CCL28: variants seen among roughly 807,000 people sequenced by gnomAD.
CCL28 encodes the protein C-C motif chemokine ligand 28.
Under a neutral mutation model 7.1 loss-of-function variants are expected in CCL28, and 4 were observed. The observed-to-expected ratio is 0.56, with a 90% CI of 0.28 to 1.29. The LOEUF is 1.29. Among genes scored for constraint, CCL28 ranks in the 50% most tolerant of loss-of-function variants. CCL28 has a pLI of 0.11. For missense variants in CCL28, 151 were observed against 163.4 expected, an observed-to-expected ratio of 0.92 and a Z score of 0.41; for synonymous variants, 55 against 57.8, an observed-to-expected ratio of 0.95 and a Z score of 0.22.
At chr5:43,399,740 G>T (rs1210596424) in intron 1 of CCL28, among the ~76,000 whole-genome samples, 2 of 152,120 alleles carry the variant, frequency 1.3e-5, no homozygotes, top group Non-Finnish European at 2.9e-5. Flanking sequence ...GTAATAAGGG[G>T]TCAGTCAATA....
chr5:43,394,293 G>T (rs1740709350), intron 1 of CCL28, among the ~76,000 whole-genome samples: 1 of 152,104 alleles, frequency 6.6e-6, no homozygotes, highest in Non-Finnish European at 1.5e-5. Flanking sequence ...CTTCAAAATT[G>T]TCTTGGCTGT....
chr5:43,385,118 C>T lies in CCL28; in HGVS notation c.192-3066G>A, dbSNP rs527559892. Among the ~76,000 whole-genome samples the T allele has an allele frequency of 7.2e-5, 11 of 152,256 alleles. No individual in the cohort carries two copies. The South Asian group carries it at 2.1e-3, about 29-fold the overall frequency. ...TTCACCGTGTTAGCCAGGATGGTCT[C>T]GATCTTCTGACCTCGTGATCCGCCT... On this transcript the variant is annotated intron_variant, in intron 2 of 2. Transcript: ENST00000361115.
chr5:43,357,844 A>T, the CCL28 span, among the ~76,000 whole-genome samples: 1 of 152,176 alleles, frequency 6.6e-6, no homozygotes, highest in East Asian at 1.9e-4. Flanking sequence ...CTCAATTAAG[A>T]TATCTTGTAA....
the CCL28 span, among the ~76,000 whole-genome samples, chr5:43,369,069 AG>A: frequency 9.5e-6 from 1 of 105,702 alleles, no homozygotes; most frequent in African/African-American, 3.5e-5. Context: ...AGAGAGAGAG[AG>A]AGAGAGAGAG....
the CCL28 span, among the ~76,000 whole-genome samples, chr5:43,362,090 A>G: frequency 6.6e-6 from 1 of 152,182 alleles, no homozygotes; most frequent in Admixed American, 6.5e-5. Context: ...TTTGGGCAGT[A>G]TGACCATTTT....
chr5:43,357,689 G>GA, the CCL28 span, among the ~76,000 whole-genome samples: 4 of 151,138 alleles, frequency 2.6e-5, no homozygotes, highest in South Asian at 6.3e-4. Context: ...GAAAGGGGGG[G>GA]AAAAAAAAGG....
the CCL28 span, among the ~76,000 whole-genome samples, chr5:43,369,528 G>A: frequency 6.6e-5 from 10 of 152,172 alleles, no homozygotes; most frequent in East Asian, 7.7e-4. Flanking sequence ...AGGTTAAAGC[G>A]ATTCTCCTAC....
chr5:43,388,447 T>C lies in CCL28; in HGVS notation c.94A>G (p.Thr32Ala), dbSNP rs1351653140. 1 of 1,613,894 alleles carries C rather than the reference T, an allele frequency of 6.2e-7. No individual in the cohort carries two copies. Among genetic ancestry groups the C allele is most frequent in the Non-Finnish European group, 8.5e-7 (1 of 1,179,926 alleles). Residue 32 changes from threonine (T) to alanine (A), a missense_variant, in exon 2 of 3, where the codon ACG (threonine) becomes GCG (alanine). Transcript: ENST00000361115. ...AILPIASSCC[T>A]EVSHHISRRL... is the part of the protein sequence containing the mutation. ...CTGGAAATATGATGTGAAACCTCCGTGCAACAGCTGGAGGCAATGGGAAGT... is the reference window on the plus strand; with the variant it reads ...CTGGAAATATGATGTGAAACCTCCGCGCAACAGCTGGAGGCAATGGGAAGT...
chr5:43,388,228 C>T (rs559744042), intron 2 of CCL28, 122 bp downstream of exon 2: 2 of 1,250,978 alleles, frequency 1.6e-6, no homozygotes, highest in African/African-American at 1.5e-5. Context: ...TTTACTCTTC[C>T]CTCCCTTGTT....
chr5:43,399,219 G>A (rs1740936129), intron 1 of CCL28, among the ~76,000 whole-genome samples: 1 of 152,062 alleles, frequency 6.6e-6, no homozygotes, highest in Non-Finnish European at 1.5e-5. Context: ...CACTCCCATG[G>A]CCAGTCAAAC....
At chr5:43,410,874 T>G (rs1178192541) in intron 1 of CCL28, among the ~76,000 whole-genome samples, 2 of 152,218 alleles carry the variant, frequency 1.3e-5, no homozygotes, top group African/African-American at 2.4e-5. Flanking sequence ...AAACATAAAG[T>G]GACAAATTTT....
the CCL28 span, among the ~76,000 whole-genome samples, chr5:43,365,751 G>C: frequency 6.6e-6 from 1 of 152,182 alleles, no homozygotes; most frequent in African/African-American, 2.4e-5. Context: ...CCTGAAGAGT[G>C]TTTTCCAACT....
chr5:43,383,296 T>C (rs779850), intron 2 of CCL28, among the ~76,000 whole-genome samples: 129,699 of 152,170 alleles, frequency 0.85, 55,776 homozygotes, highest in African/African-American at 0.96. Flanking sequence ...TCTACATATA[T>C]AGTATTTCCG....
At chr5:43,373,361 C>T (rs1299514141), downstream of CCL28, among the ~76,000 whole-genome samples, 1 of 151,594 alleles carries the variant, frequency 6.6e-6, no homozygotes, top group African/African-American at 2.4e-5. Flanking sequence ...AGTGCAGTGG[C>T]GTGATCTCGG....
intron 1 of CCL28, among the ~76,000 whole-genome samples, chr5:43,410,794 T>C (rs569089454): frequency 1.3e-5 from 2 of 152,206 alleles, no homozygotes; most frequent in Non-Finnish European, 2.9e-5. Flanking sequence ...CCTTAGCAGG[T>C]AGGCCTTTCA....
chr5:43,388,366 C>T lies in CCL28; in HGVS notation c.175G>A (p.Asp59Asn), dbSNP rs567855239. Residue 59 changes from aspartate to asparagine, a missense_variant, in exon 2 of 3, where the codon GAC becomes AAC. Physicochemically the swap from Asp to Asn is conservative, Grantham distance 23 (BLOSUM62 1). Coordinates refer to ENST00000361115, the MANE Select transcript of CCL28 (RefSeq NM_148672.3). ...CRIQRADGDC[D>N]LAAVILHVKR... is the part of the protein sequence containing the mutation. Reference sequence around the variant, plus strand: ...AGCACTCACATGACAGCAGCCAAGTCACAATCCCCATCAGCTCTCTGGATG... The same window carrying T: ...AGCACTCACATGACAGCAGCCAAGTTACAATCCCCATCAGCTCTCTGGATG... The T allele has an allele frequency of 2.7e-5, 43 of 1,614,140 alleles. No homozygotes were observed. In the South Asian group the frequency reaches 4.5e-4, roughly 17 times the overall value.
At chr5:43,409,237 C>T (rs905284849) in intron 1 of CCL28, among the ~76,000 whole-genome samples, 8 of 152,082 alleles carry the variant, frequency 5.3e-5, no homozygotes, top group African/African-American at 9.7e-5. Flanking sequence ...ACCAGCCTGG[C>T]CAACATGGTG....
At chr5:43,410,485 C>T (rs1012652654) in intron 1 of CCL28, among the ~76,000 whole-genome samples, 2 of 152,200 alleles carry the variant, frequency 1.3e-5, no homozygotes, top group African/African-American at 2.4e-5. Context: ...CTGGGTCTCT[C>T]GGCTCCCTTC....
chr5:43,401,091 A>AG (rs893550045), intron 1 of CCL28, among the ~76,000 whole-genome samples: 5 of 151,890 alleles, frequency 3.3e-5, no homozygotes, highest in Admixed American at 6.6e-5. Context: ...TCAAAAAAAA[A>AG]AAAAAGAAAA....
Sources: gnomAD v4.1 joint callset for allele counts (sites outside exome capture counted in the v4.1 genomes callset) on GRCh38, gnomAD v4.1.1 for gene constraint, MANE v1.5 for transcripts, NCBI Gene and HGNC (gene_info 2026-07-23, HGNC 2026-07-21) for gene names.